DIPK1C: variants seen among roughly 807,000 people sequenced by gnomAD.
DIPK1C encodes the protein familial non-conventional Alzheimer's dementia.
DIPK1C carries 33 observed loss-of-function variants against 28.0 expected under a neutral mutation model. The ratio of observed to expected loss-of-function variants is 1.18; its 90% CI spans 0.89 to 1.58. DIPK1C has a LOEUF of 1.58. DIPK1C is among the 40% of genes most tolerant of loss of function. The pLI is 0.00. For synonymous variants in DIPK1C, 255 were observed against 248.8 expected (o/e 1.02, Z -0.23); for missense variants, 569 against 568.5 (o/e 1.00, Z -0.01).
rs2144523344 is a variant in DIPK1C at position 74,447,950 on chromosome 18, G to T, written c.199-667C>A. 6.6e-6 allele frequency among the ~76,000 whole-genome samples: 1 copy of T among 152,304 alleles called. No individual in the cohort carries two copies. The highest frequency in any genetic ancestry group is 1.5e-5 in the Non-Finnish European group (1 of 68,020). On this transcript the variant is annotated intron_variant, in intron 1 of 3. Coordinates refer to ENST00000343998, the MANE Select transcript of DIPK1C (RefSeq NM_001044369.3). The surrounding 1 kb of genome is among the most constrained non-coding windows in gnomAD (Gnocchi z 4.1). ...GAGGGACCAAGGAGGACCCATGCAG[G>T]ATAAAAGAGTAGGGAGTGTTTGCAT...
chr18:74,457,455 C>A (rs1986544239), upstream of DIPK1C, among the ~76,000 whole-genome samples: 2 of 152,060 alleles, frequency 1.3e-5, no homozygotes, highest in East Asian at 3.9e-4. Flanking sequence ...CCGCGCGCCC[C>A]GAGCACCCAC....
At chr18:74,462,612 C>T (rs1166566872), upstream of DIPK1C, among the ~76,000 whole-genome samples, 1 of 151,292 alleles carries the variant, frequency 6.6e-6, no homozygotes, top group African/African-American at 2.4e-5. Context: ...TTTTATGTCT[C>T]TTCAATTCCT....
chr18:74,460,553 T>C (rs902759832), upstream of DIPK1C, among the ~76,000 whole-genome samples: 3 of 152,214 alleles, frequency 2.0e-5, no homozygotes, highest in Non-Finnish European at 2.9e-5. Flanking sequence ...ATTTGTGTAA[T>C]AGTAAAGCCG....
At chr18:74,442,914 G>A (rs1403486358) in intron 2 of DIPK1C, among the ~76,000 whole-genome samples, 1 of 152,178 alleles carries the variant, frequency 6.6e-6, no homozygotes, top group East Asian at 1.9e-4. Context: ...GCTATCCAGG[G>A]AAGCCACATT....
rs1986403712 is a variant in DIPK1C at position 74,451,819 on chromosome 18, C to T, written c.199-4536G>A. Reference sequence around the variant, plus strand: ...GTTTATAACCTAACTTTTCAGTATCCCAGTCACCGCGCTTGTCCTAAGAGA... The same window carrying T: ...GTTTATAACCTAACTTTTCAGTATCTCAGTCACCGCGCTTGTCCTAAGAGA... On this transcript the variant is annotated intron_variant, in intron 1 of 3. Transcript: ENST00000343998. 2.0e-5 allele frequency among the ~76,000 whole-genome samples: 3 copies of T among 152,120 alleles called. No individual in the cohort carries two copies. In the South Asian group the frequency reaches 6.2e-4, roughly 32 times the overall value.
upstream of DIPK1C, among the ~76,000 whole-genome samples, chr18:74,462,314 T>G (rs1025513529): frequency 3.3e-5 from 5 of 152,222 alleles, no homozygotes; most frequent in African/African-American, 1.2e-4. Context: ...TTTTGGACAC[T>G]TCATATAAGC....
At chr18:74,448,546 T>A (rs2144523921) in intron 1 of DIPK1C, among the ~76,000 whole-genome samples, 1 of 152,282 alleles carries the variant, frequency 6.6e-6, no homozygotes, top group South Asian at 2.1e-4. Context: ...CATCCTTACC[T>A]GCTCTGGGCC....
At position 74,447,065 on chromosome 18, in the gene DIPK1C, G is replaced by C. The variant is rs1418550471; in HGVS notation, c.417C>G (p.Gly139=). 6.5e-7 allele frequency: 1 copy of C among 1,550,184 alleles called. No individual in the cohort carries two copies. Among genetic ancestry groups the C allele is most frequent in the Non-Finnish European group, 8.7e-7 (1 of 1,146,884 alleles). The change falls in exon 2 of 4, where the codon GGC becomes GGG. Residue 139 remains glycine (G), a synonymous_variant. Coordinates refer to ENST00000343998, the MANE Select transcript of DIPK1C (RefSeq NM_001044369.3). The surrounding 1 kb of genome is among the most constrained non-coding windows in gnomAD (Gnocchi z 4.1). ...GGAGTTCGGCCTCGGGCATGTCCTG[G>C]CCACCCTCCCCTGCCTCCTCTTCCA... is the stretch of plus-strand genomic sequence containing the variant. The part of the protein sequence containing the change: ...SLLEEEAGEG[G]QDMPEAELLL...
intron 1 of DIPK1C, among the ~76,000 whole-genome samples, chr18:74,454,946 G>T (rs1986473764): frequency 6.6e-6 from 1 of 152,120 alleles, no homozygotes; most frequent in Non-Finnish European, 1.5e-5. Flanking sequence ...AGGGCCTGTG[G>T]CAAAGTCTGC....
intron 3 of DIPK1C, among the ~76,000 whole-genome samples, chr18:74,441,545 G>A (rs555926973): frequency 9.9e-5 from 15 of 152,148 alleles, no homozygotes; most frequent in Non-Finnish European, 2.1e-4. Flanking sequence ...TCTGGATGGT[G>A]GTTTCTGTCT....
At chr18:74,439,416 A>G (rs973829445) in intron 3 of DIPK1C, among the ~76,000 whole-genome samples, 23 of 152,180 alleles carry the variant, frequency 1.5e-4, no homozygotes, top group African/African-American at 5.3e-4. Context: ...ATCAGGGCTA[A>G]ATACCCGTAT....
At chr18:74,459,044 C>T (rs1986578555), upstream of DIPK1C, among the ~76,000 whole-genome samples, 1 of 152,226 alleles carries the variant, frequency 6.6e-6, no homozygotes, top group South Asian at 2.1e-4. Flanking sequence ...TTTGAAGCTG[C>T]AATGACTGTT....
intron 1 of DIPK1C, among the ~76,000 whole-genome samples, chr18:74,453,818 CT>C (rs1986448273): frequency 1.3e-5 from 2 of 152,218 alleles, no homozygotes; most frequent in South Asian, 4.1e-4. Context: ...GGGCAAGTCA[CT>C]TCACCTCCCT....
At chr18:74,442,479 C>T (rs1986158354) in intron 2 of DIPK1C, among the ~76,000 whole-genome samples, 2 of 152,178 alleles carry the variant, frequency 1.3e-5, no homozygotes, top group African/African-American at 4.8e-5. Flanking sequence ...CAGGTGCCCA[C>T]CACCACACCC....
intron 2 of DIPK1C, among the ~76,000 whole-genome samples, chr18:74,446,251 C>T (rs147269199): frequency 1.3e-5 from 2 of 152,190 alleles, no homozygotes; most frequent in Non-Finnish European, 2.9e-5. Context: ...TTGCCTCCTG[C>T]GGACTGTTTT....
At chr18:74,460,763 T>G (rs746339156), upstream of DIPK1C, among the ~76,000 whole-genome samples, 1 of 152,238 alleles carries the variant, frequency 6.6e-6, no homozygotes, top group Admixed American at 6.5e-5. Flanking sequence ...AAAGCTTAAC[T>G]TGATAGGAGT....
chr18:74,455,919 AT>A (rs1390290660), intron 1 of DIPK1C, among the ~76,000 whole-genome samples: 1 of 152,124 alleles, frequency 6.6e-6, no homozygotes, highest in East Asian at 1.9e-4. Flanking sequence ...TACCTGGCTC[AT>A]TTTTTTAAAA....
chr18:74,447,161 G>A lies in DIPK1C; in HGVS notation c.321C>T (p.Asp107=). The A allele has an allele frequency of 3.9e-6, 6 of 1,550,586 alleles. No homozygotes were observed. Among genetic ancestry groups the A allele is most frequent in the Non-Finnish European group, 5.2e-6 (6 of 1,146,986 alleles). ...YNRGKKVLQA[D]WRGRPVVLKS... is the part of the protein sequence containing the mutation. ...TGAGGACCACGGGCCGGCCGCGCCA[G>A]TCGGCCTGCAGCACCTTCTTGCCTC... Residue 107 remains aspartate (D), a synonymous_variant, in exon 2 of 4, where the codon GAC becomes GAT. Coordinates refer to ENST00000343998, the MANE Select transcript of DIPK1C (RefSeq NM_001044369.3). This position sits in a 1 kb window ranked among gnomAD's most constrained non-coding sequence, Gnocchi z 4.1.
intron 2 of DIPK1C, among the ~76,000 whole-genome samples, chr18:74,445,678 G>A (rs1380363485): frequency 6.6e-6 from 1 of 152,198 alleles, no homozygotes; most frequent in Admixed American, 6.5e-5. Context: ...ATGCCCAGGT[G>A]ACGAGCTAAG....
Sources: gnomAD v4.1 joint callset for allele counts (sites outside exome capture counted in the v4.1 genomes callset) on GRCh38, gnomAD v4.1.1 for gene constraint, Gnocchi (gnomAD v3.1) non-coding constraint, MANE v1.5 for transcripts, NCBI Gene and HGNC (gene_info 2026-07-23, HGNC 2026-07-21) for gene names.